The following ST13 variants were observed in gnomAD, a reference collection of about 807,000 sequenced individuals.
ST13 encodes the protein ST13 Hsp70 interacting protein, also known as hsc70-interacting protein.
In ST13, 23 loss-of-function variants were observed where a neutral mutation model predicts 56.7. That is an observed-to-expected ratio of 0.41 (90% CI 0.29 to 0.57). The LOEUF is 0.57. ST13 is among the 20% of genes least tolerant of loss of function. ST13 has a pLI of 0.36. For synonymous variants in ST13, 132 were observed against 142.4 expected, an observed-to-expected ratio of 0.93 and a Z score of 0.52; for missense variants, 369 against 459.9, an observed-to-expected ratio of 0.80 and a Z score of 1.81.
chr22:40,838,202 T>A (rs1263652324), intron 5 of ST13, among the ~76,000 whole-genome samples: 1 of 152,220 alleles, frequency 6.6e-6, no homozygotes, highest in African/African-American at 2.4e-5. Context: ...CATACCACTC[T>A]GGCTCCATAC....
intron 1 of ST13, among the ~76,000 whole-genome samples, chr22:40,855,711 G>GGC (rs1446610520): frequency 5.3e-5 from 8 of 152,134 alleles, no homozygotes; most frequent in African/African-American, 1.9e-4. Flanking sequence ...TAAATAGACA[G>GGC]TACTTATACT....
chr22:40,841,591 A>G (rs2057804774), intron 4 of ST13, among the ~76,000 whole-genome samples: 1 of 152,022 alleles, frequency 6.6e-6, no homozygotes, highest in African/African-American at 2.4e-5. Flanking sequence ...AAAAGAAAAA[A>G]TAAATATTAA....
chr22:40,850,699 G>A, intron 2 of ST13, 124 bp downstream of exon 2: 3 of 707,570 alleles, frequency 4.2e-6, no homozygotes, highest in South Asian at 1.8e-5. Flanking sequence ...GTCTTAAAAG[G>A]TCTTATTTCC....
chr22:40,830,739 C>T (rs1248397538), intron 9 of ST13, 101 bp downstream of exon 9: 2 of 676,194 alleles, frequency 3.0e-6, no homozygotes, highest in Non-Finnish European at 5.1e-6. Context: ...GAACTGTAGC[C>T]AGCATTAAAT....
rs1177087737 is a variant in ST13 at position 40,840,700 on chromosome 22, G to A, written c.316-8C>T. The A allele has an allele frequency of 4.4e-6, 7 of 1,604,412 alleles. No homozygotes were observed. Among genetic ancestry groups the A allele is most frequent in the Non-Finnish European group, 5.9e-6 (7 of 1,176,790 alleles). On this transcript the variant is annotated splice_region_variant and splice_polypyrimidine_tract_variant and intron_variant, in intron 4 of 11. Coordinates refer to ENST00000216218, the MANE Select transcript of ST13 (RefSeq NM_003932.5). ...CATCATCTCCTCCGTTATCTAGGAA[G>A]AAAATAAAAATCATCTTAGAATTAG...
chr22:40,829,659 G>A lies in ST13; in HGVS notation c.814C>T (p.Arg272Ter). ...ERAQREEEAR[R>*]QSGAQYGSFP... Reference sequence around the variant, plus strand: ...GAGCCATACTGAGCTCCTGACTGTCGTCTGGCTTCTTCCTCCTTTGATACA... The same window carrying A: ...GAGCCATACTGAGCTCCTGACTGTCATCTGGCTTCTTCCTCCTTTGATACA... Residue 272 changes from arginine to a stop codon, truncating the protein, a stop_gained, in exon 10 of 12, where the codon CGA (arginine) becomes TGA (stop). Coordinates refer to ENST00000216218, the MANE Select transcript of ST13 (RefSeq NM_003932.5). LOFTEE classifies it high-confidence loss of function. 1.3e-6 allele frequency: 2 copies of A among 1,487,158 alleles called. No homozygotes were observed. The highest frequency in any genetic ancestry group is 1.8e-6 in the Non-Finnish European group (2 of 1,103,106). 92.1% of individuals were successfully genotyped at this position (1,487,158 alleles called of 1,614,324 possible).
chr22:40,842,014 C>T (rs1022766157), intron 4 of ST13, among the ~76,000 whole-genome samples: 7 of 152,148 alleles, frequency 4.6e-5, no homozygotes, highest in African/African-American at 7.2e-5. Flanking sequence ...ATGCTAATAC[C>T]GGCAAGCATA....
Position 40,852,583 on chromosome 22 carries a change from C to T in ST13, c.111-1703G>A, listed in dbSNP as rs904478618. Among the ~76,000 whole-genome samples the T allele has an allele frequency of 1.6e-4, 24 of 152,264 alleles. 1 individual carries two copies. Among genetic ancestry groups the T allele is most frequent in the Admixed American group, 1.5e-3 (23 of 15,304 alleles). On this transcript the variant is annotated intron_variant, in intron 1 of 11. Transcript: ENST00000216218. ...AGAATTTGGAATTTCTTATAAGCAC[C>T]ATTCAAACGAAGAAAATGTGCCTAC... is the stretch of plus-strand genomic sequence containing the variant.
In ST13 at chr22:40,835,684, G is replaced by A; in HGVS notation, c.468-14C>T. 1 of 1,609,130 alleles carries A rather than the reference G, an allele frequency of 6.2e-7. No individual in the cohort carries two copies. The highest frequency in any genetic ancestry group is 8.5e-7 in the Non-Finnish European group (1 of 1,175,520). On this transcript the variant is annotated splice_polypyrimidine_tract_variant and intron_variant, in intron 6 of 11. Transcript: ENST00000216218. ...TTGACGAAGACACTGAAAAATAAGTGTGTTATTAAAAAGTATTCATTTCAG... is the reference window on the plus strand; with the variant it reads ...TTGACGAAGACACTGAAAAATAAGTATGTTATTAAAAAGTATTCATTTCAG...
intron 2 of ST13, 37 bp downstream of exon 2, chr22:40,850,786 C>G: frequency 6.6e-7 from 1 of 1,511,152 alleles, no homozygotes; most frequent in African/African-American, 1.4e-5. Flanking sequence ...TCTTATAGTA[C>G]TTTATCACAA....
chr22:40,846,644 ATT>A (rs1403251148), intron 3 of ST13, among the ~76,000 whole-genome samples: 1 of 152,248 alleles, frequency 6.6e-6, no homozygotes, highest in Non-Finnish European at 1.5e-5. Flanking sequence ...AAGATCTTCA[ATT>A]TAGCACTCAA....
At chr22:40,846,591 A>G (rs542554481) in intron 3 of ST13, among the ~76,000 whole-genome samples, 13 of 152,332 alleles carry the variant, frequency 8.5e-5, no homozygotes, top group African/African-American at 3.1e-4. Flanking sequence ...AGTTTTAGAA[A>G]CTGGTAGAAA....
intron 1 of ST13, among the ~76,000 whole-genome samples, chr22:40,855,695 T>C (rs567890818): frequency 6.6e-6 from 1 of 152,358 alleles, no homozygotes; most frequent in African/African-American, 2.4e-5. Context: ...TTTCTATTTA[T>C]TCGTCTAAAT....
At chr22:40,843,451 GA>G (rs1284076977) in intron 4 of ST13, among the ~76,000 whole-genome samples, 18 of 151,606 alleles carry the variant, frequency 1.2e-4, no homozygotes, top group Non-Finnish European at 2.5e-4. Context: ...TTAGTGAACA[GA>G]AAAAAAATAG....
rs550522566 is a variant in ST13 at position 40,833,602 on chromosome 22, G to A, written c.579-931C>T. Among the ~76,000 whole-genome samples the A allele has an allele frequency of 6.0e-5, 9 of 150,980 alleles. No individual in the cohort carries two copies. In the South Asian group the frequency reaches 8.3e-4, roughly 14 times the overall value. Reference sequence around the variant, plus strand: ...AAAAAGAAATAAGGTGTGGCTAGGCGCGATGGCTCATGCCTATTATCCTAG... The same window carrying A: ...AAAAAGAAATAAGGTGTGGCTAGGCACGATGGCTCATGCCTATTATCCTAG... On this transcript the variant is annotated intron_variant, in intron 7 of 11. Coordinates refer to ENST00000216218, the MANE Select transcript of ST13 (RefSeq NM_003932.5).
chr22:40,844,294 C>A (rs2057820076), intron 4 of ST13, among the ~76,000 whole-genome samples: 1 of 152,120 alleles, frequency 6.6e-6, no homozygotes, highest in African/African-American at 2.4e-5. Context: ...TTTAAAACTG[C>A]TATTACTATA....
At chr22:40,844,946 C>T (rs771010758) in intron 3 of ST13, 37 bp from the exon 4 acceptor site, 19 of 1,494,594 alleles carry the variant, frequency 1.3e-5, no homozygotes, top group South Asian at 9.5e-5. Context: ...AGACCTGCAC[C>T]GTACAATATA....
intron 1 of ST13, among the ~76,000 whole-genome samples, chr22:40,853,739 TACA>T (rs1278179737): frequency 3.3e-5 from 5 of 152,212 alleles, no homozygotes; most frequent in Non-Finnish European, 7.3e-5. Context: ...TCATTTCCTT[TACA>T]ACATTTAGGA....
chr22:40,842,439 C>T (rs1226971506), intron 4 of ST13, among the ~76,000 whole-genome samples: 2 of 152,110 alleles, frequency 1.3e-5, no homozygotes, highest in Non-Finnish European at 2.9e-5. Flanking sequence ...GAGTAAAGAG[C>T]AAAAGACTTA....
Sources: gnomAD v4.1 joint callset for allele counts (sites outside exome capture counted in the v4.1 genomes callset) on GRCh38, gnomAD v4.1.1 for gene constraint, MANE v1.5 for transcripts, NCBI Gene and HGNC (gene_info 2026-07-23, HGNC 2026-07-21) for gene names.